MBD5: variants seen among roughly 807,000 people sequenced by gnomAD.
The protein encoded by MBD5 is methyl-CpG-binding domain protein 5.
MBD5 carries 13 observed loss-of-function variants against 117.3 expected under a neutral mutation model. That is an observed-to-expected ratio of 0.11 (90% CI 0.07 to 0.18). The LOEUF (loss-of-function observed/expected upper bound fraction) is 0.18, where lower values mean the gene tolerates loss of function less well. Among genes scored for constraint, MBD5 ranks in the 10% least tolerant of loss-of-function variants. The pLI is 1.00. For missense variants in MBD5, 1,879 were observed against 2,093.8 expected, an observed-to-expected ratio of 0.90 and a Z score of 2.00; for synonymous variants, 727 against 766.4, an observed-to-expected ratio of 0.95 and a Z score of 0.85.
chr2:148,485,111 A>G (rs1681294536), intron 9 of MBD5: 1 of 152,154 alleles, frequency 6.6e-6, no homozygotes, highest in Admixed American at 6.6e-5. Context: ...AATTTTGAAT[A>G]TAAATTTAAT....
intron 4 of MBD5, among the ~76,000 whole-genome samples, chr2:148,437,303 T>C (rs1706182742): frequency 1.3e-5 from 2 of 152,142 alleles, no homozygotes; most frequent in Admixed American, 1.3e-4. Flanking sequence ...TTTTTAAGTT[T>C]ATAGCTGGCC....
intron 7 of MBD5, among the ~76,000 whole-genome samples, chr2:148,465,525 G>C (rs1438398540): frequency 6.6e-6 from 1 of 152,160 alleles, no homozygotes; most frequent in African/African-American, 2.4e-5. Context: ...TAGGGATGAT[G>C]AGTATACCTG....
At chr2:148,506,184 T>G (rs1679464724) in intron 12 of MBD5, among the ~76,000 whole-genome samples, 1 of 152,236 alleles carries the variant, frequency 6.6e-6, no homozygotes, top group South Asian at 2.1e-4. Flanking sequence ...TATGTTCTAA[T>G]TATATCCTAG....
intron 1 of MBD5, among the ~76,000 whole-genome samples, chr2:148,130,259 C>T (rs965026629): frequency 1.3e-5 from 2 of 152,066 alleles, no homozygotes; most frequent in African/African-American, 4.8e-5. Context: ...CTCCTGACAG[C>T]GCTCAATTTT....
At chr2:148,177,178 T>A (rs538379840) in intron 1 of MBD5, among the ~76,000 whole-genome samples, 1 of 152,316 alleles carries the variant, frequency 6.6e-6, no homozygotes, top group South Asian at 2.1e-4. Context: ...AGAAATATAA[T>A]CTTAGAAAAC....
chr2:148,418,570 T>C (rs2105242353), intron 4 of MBD5, among the ~76,000 whole-genome samples: 1 of 152,240 alleles, frequency 6.6e-6, no homozygotes, highest in Middle Eastern at 3.4e-3. Flanking sequence ...AGCATTGGTA[T>C]AAACCAAAAA....
At chr2:148,405,203 A>C (rs968760591) in intron 4 of MBD5, among the ~76,000 whole-genome samples, 5 of 152,194 alleles carry the variant, frequency 3.3e-5, no homozygotes, top group Non-Finnish European at 7.4e-5. Flanking sequence ...AAAATATTTG[A>C]TCTCTTGCTT....
intron 4 of MBD5, among the ~76,000 whole-genome samples, chr2:148,413,833 G>C (rs1404153772): frequency 6.7e-6 from 1 of 149,968 alleles, no homozygotes; most frequent in Non-Finnish European, 1.5e-5. Context: ...TGTCATTTCT[G>C]ATTGTGTTTA....
At chr2:148,462,515 T>C (rs931514830) in intron 5 of MBD5, 67 bp from the exon 6 acceptor site, 14 of 1,001,886 alleles carry the variant, frequency 1.4e-5, no homozygotes. Context: ...CTATAAATTA[T>C]GCCTTTTTTC....
rs1413186409 is a variant in MBD5, at chr2:148,470,396, C to T, written c.2453C>T (p.Thr818Met). The T allele has an allele frequency of 7.4e-6, 12 of 1,613,118 alleles. No homozygotes were observed. Among genetic ancestry groups the T allele is most frequent in the Admixed American group, 1.7e-5 (1 of 59,934 alleles). Residue 818 changes from threonine to methionine, a missense_variant, in exon 8 of 14, where the codon ACG (threonine) becomes ATG (methionine). Coordinates refer to ENST00000642680, the MANE Select transcript of MBD5 (RefSeq NM_001378120.1). ...AATCCACCTCAGTCAAGAATTTCAACGTCCTCCACTCCAGTGATACCAAAC... is the reference window on the plus strand; with the variant it reads ...AATCCACCTCAGTCAAGAATTTCAATGTCCTCCACTCCAGTGATACCAAAC... The part of the protein sequence containing the change: ...HPNPPQSRIS[T>M]SSTPVIPNSI...
At chr2:148,324,832 C>T (rs1163847449) in intron 3 of MBD5, among the ~76,000 whole-genome samples, 1 of 152,098 alleles carries the variant, frequency 6.6e-6, no homozygotes, top group African/African-American at 2.4e-5. Flanking sequence ...TTATTTCCTT[C>T]TCCTGCCTAA....
intron 3 of MBD5, among the ~76,000 whole-genome samples, chr2:148,258,678 T>C (rs575307431): frequency 3.1e-4 from 47 of 152,362 alleles, no homozygotes; most frequent in Middle Eastern, 3.4e-3. Flanking sequence ...CTGGAATTGC[T>C]GCTCCAGAGA....
intron 4 of MBD5, among the ~76,000 whole-genome samples, chr2:148,409,398 AAAG>A (rs1315016330): frequency 4.8e-4 from 64 of 133,120 alleles, no homozygotes; most frequent in African/African-American, 1.8e-3. Flanking sequence ...AAAAAAAAAG[AAAG>A]AAAGAAAGAA....
At chr2:148,412,304 A>G (rs1333034968) in intron 4 of MBD5, among the ~76,000 whole-genome samples, 1 of 103,968 alleles carries the variant, frequency 9.6e-6, no homozygotes, top group Non-Finnish European at 2.0e-5. Context: ...GTGTGTGTGT[A>G]GAGAGAGAGA....
At chr2:148,032,337 G>T (rs533940069) in intron 1 of MBD5, among the ~76,000 whole-genome samples, 186 of 152,242 alleles carry the variant, frequency 1.2e-3, no homozygotes, top group African/African-American at 4.2e-3. Flanking sequence ...TTCAGTTGCT[G>T]TAGAGAGGTA....
chr2:148,052,099 A>T (rs944619992), intron 1 of MBD5, among the ~76,000 whole-genome samples: 5 of 151,854 alleles, frequency 3.3e-5, no homozygotes, highest in Non-Finnish European at 7.4e-5. Flanking sequence ...ATTATTTTAA[A>T]GAACAAACTT....
intron 4 of MBD5, among the ~76,000 whole-genome samples, chr2:148,443,016 G>C (rs1706374782): frequency 6.6e-6 from 1 of 151,246 alleles, no homozygotes; most frequent in South Asian, 2.1e-4. Context: ...TCAATAACCA[G>C]AATATACAAG....
chr2:148,179,022 T>A (rs1189690617), intron 2 of MBD5, among the ~76,000 whole-genome samples: 1 of 152,172 alleles, frequency 6.6e-6, no homozygotes, highest in Non-Finnish European at 1.5e-5. Context: ...TAATAAATTG[T>A]AATACACAAG....
At chr2:148,123,020 G>A (rs766886143) in intron 1 of MBD5, among the ~76,000 whole-genome samples, 1 of 152,144 alleles carries the variant, frequency 6.6e-6, no homozygotes, top group Non-Finnish European at 1.5e-5. Flanking sequence ...GAGGTGGGTG[G>A]ATGTAATGAG....
Sources: gnomAD v4.1 joint callset for allele counts (sites outside exome capture counted in the v4.1 genomes callset) on GRCh38, gnomAD v4.1.1 for gene constraint, MANE v1.5 for transcripts, NCBI Gene and HGNC (gene_info 2026-07-23, HGNC 2026-07-21) for gene names.